The following PARN variants were observed in gnomAD, a reference collection of about 807,000 sequenced individuals.
PARN encodes poly(A)-specific ribonuclease.
In PARN, 71 loss-of-function variants were observed where a neutral mutation model predicts 102.8. The ratio of observed to expected loss-of-function variants is 0.69; its 90% CI spans 0.57 to 0.84. PARN has a LOEUF of 0.84. Among genes scored for constraint, PARN ranks in the 40% least tolerant of loss-of-function variants. PARN has a pLI of 0.00. For missense variants in PARN, 782 were observed against 760.9 expected (o/e 1.03, Z -0.33); for synonymous variants, 261 against 252.9 (o/e 1.03, Z -0.30).
chr16:14,514,898 T>C (rs892583796), intron 21 of PARN, among the ~76,000 whole-genome samples: 9 of 152,182 alleles, frequency 5.9e-5, no homozygotes, highest in African/African-American at 1.9e-4. Flanking sequence ...TAAATAAGGC[T>C]GCACGGGGAA....
At chr16:14,594,610 G>A (rs1596791883) in intron 12 of PARN, among the ~76,000 whole-genome samples, 1 of 152,112 alleles carries the variant, frequency 6.6e-6, no homozygotes, top group Non-Finnish European at 1.5e-5. Flanking sequence ...CAGCAACTCG[G>A]GAGGCTGAGG....
chr16:14,606,316 T>G (rs1971178503), intron 10 of PARN, among the ~76,000 whole-genome samples, 168 bp downstream of exon 10: 2 of 150,860 alleles, frequency 1.3e-5, no homozygotes, highest in African/African-American at 4.9e-5. Context: ...GAGGATCACC[T>G]GAGCCCAGGA....
intron 21 of PARN, among the ~76,000 whole-genome samples, chr16:14,523,188 G>A (rs1420966375): frequency 6.7e-6 from 1 of 148,648 alleles, no homozygotes; most frequent in Non-Finnish European, 1.5e-5. Flanking sequence ...ACTATGCAAA[G>A]AAAAACTGAC....
At chr16:14,489,076 C>T (rs751405656) in intron 21 of PARN, among the ~76,000 whole-genome samples, 25 of 152,182 alleles carry the variant, frequency 1.6e-4, no homozygotes, top group Non-Finnish European at 3.1e-4. Flanking sequence ...ATCCCCCTCA[C>T]GCCCCGCAAC....
chr16:14,537,492 C>T lies in PARN; in HGVS notation c.1480+14529G>A, dbSNP rs1040703876. 3.3e-5 allele frequency among the ~76,000 whole-genome samples: 5 copies of T among 152,180 alleles called. No homozygotes were observed. In the South Asian group the frequency reaches 1.0e-3, roughly 32 times the overall value. ...GGCATACGCTGCACCCCCATGTTTA[C>T]TGCAGCACTATTCACAATAGCTAAG... On this transcript the variant is annotated intron_variant, in intron 21 of 23. Transcript: ENST00000437198.
intron 1 of PARN, 73 bp from the exon 2 acceptor site, chr16:14,629,747 G>A: frequency 8.9e-7 from 1 of 1,129,218 alleles, no homozygotes; most frequent in Non-Finnish European, 1.4e-6. Context: ...AAGGAGGGCC[G>A]AGGAGCTCCC....
intron 21 of PARN, among the ~76,000 whole-genome samples, chr16:14,520,207 G>A (rs1427554194): frequency 6.6e-6 from 1 of 152,152 alleles, no homozygotes; most frequent in Non-Finnish European, 1.5e-5. Flanking sequence ...ACAAACGAGG[G>A]GGTGAGGGCA....
intron 21 of PARN, among the ~76,000 whole-genome samples, chr16:14,483,565 C>T (rs1249503337): frequency 6.6e-6 from 1 of 152,118 alleles, no homozygotes; most frequent in African/African-American, 2.4e-5. Context: ...GGCTTTATTA[C>T]CTGTTCTGTT....
At chr16:14,547,014 A>C (rs1966988522) in intron 21 of PARN, among the ~76,000 whole-genome samples, 1 of 151,662 alleles carries the variant, frequency 6.6e-6, no homozygotes, top group Non-Finnish European at 1.5e-5. Flanking sequence ...AATTGCTTGA[A>C]CCTAGGAGGC....
intron 3 of PARN, among the ~76,000 whole-genome samples, chr16:14,627,736 C>T (rs958872435): frequency 1.3e-5 from 2 of 152,098 alleles, no homozygotes; most frequent in Non-Finnish European, 2.9e-5. Flanking sequence ...ACCTGTAATC[C>T]CAGCACTTTG....
intron 19 of PARN, 48 bp from the exon 20 acceptor site, chr16:14,554,199 A>G (rs201849675): frequency 1.6e-6 from 2 of 1,261,088 alleles, no homozygotes; most frequent in Admixed American, 1.9e-5. Flanking sequence ...AAAGTGATCA[A>G]GTAAACCAGT....
chr16:14,618,691 C>T (rs1043081342), intron 5 of PARN, among the ~76,000 whole-genome samples: 5 of 151,098 alleles, frequency 3.3e-5, no homozygotes, highest in South Asian at 2.1e-4. Flanking sequence ...ACTGGGCGAA[C>T]GGATTATTCT....
chr16:14,618,935 C>T (rs1972107616), intron 5 of PARN, among the ~76,000 whole-genome samples: 1 of 152,086 alleles, frequency 6.6e-6, no homozygotes, highest in African/African-American at 2.4e-5. Context: ...GTGGCTCGCA[C>T]CTGTAATCCT....
chr16:14,462,395 G>A (rs550770208), intron 22 of PARN, among the ~76,000 whole-genome samples: 3 of 152,062 alleles, frequency 2.0e-5, no homozygotes, highest in South Asian at 2.1e-4. Flanking sequence ...CCAGGAAACC[G>A]ACATTTAACC....
chr16:14,609,727 A>G (rs1971404739), intron 7 of PARN, among the ~76,000 whole-genome samples: 1 of 152,254 alleles, frequency 6.6e-6, no homozygotes, highest in African/African-American at 2.4e-5. Context: ...ACCAACAACT[A>G]AGCTGAGCAA....
intron 18 of PARN, among the ~76,000 whole-genome samples, chr16:14,559,036 A>T (rs1567384307): frequency 6.6e-6 from 1 of 152,026 alleles, no homozygotes; most frequent in Non-Finnish European, 1.5e-5. Flanking sequence ...TAAATATAAA[A>T]ATATAAATAT....
At chr16:14,577,018 G>A (rs1475623158) in intron 18 of PARN, among the ~76,000 whole-genome samples, 1 of 152,174 alleles carries the variant, frequency 6.6e-6, no homozygotes, top group Non-Finnish European at 1.5e-5. Context: ...TTAGAATAAT[G>A]CAGACGTAAG....
intron 21 of PARN, among the ~76,000 whole-genome samples, chr16:14,512,640 CAGG>C (rs1166580857): frequency 6.6e-6 from 1 of 152,164 alleles, no homozygotes; most frequent in Non-Finnish European, 1.5e-5. Context: ...TCGTTTTACT[CAGG>C]AGGACACCTG....
chr16:14,592,555 C>A (rs575602155), intron 13 of PARN, among the ~76,000 whole-genome samples: 2 of 152,310 alleles, frequency 1.3e-5, no homozygotes, highest in Admixed American at 1.3e-4. Flanking sequence ...TCAACCAAGG[C>A]AACTTGGCTC....
Sources: gnomAD v4.1 joint callset for allele counts (sites outside exome capture counted in the v4.1 genomes callset) on GRCh38, gnomAD v4.1.1 for gene constraint, MANE v1.5 for transcripts, NCBI Gene and HGNC (gene_info 2026-07-23, HGNC 2026-07-21) for gene names.